Variants in PANK2 observed in about 807,000 individuals in gnomAD.
PANK2 encodes the protein pantothenate kinase 2, mitochondrial.
Under a neutral mutation model 43.1 loss-of-function variants are expected in PANK2, and 36 were observed. The observed-to-expected ratio is 0.84, with a 90% CI of 0.64 to 1.10. The LOEUF (loss-of-function observed/expected upper bound fraction) is 1.10, where lower values mean the gene tolerates loss of function less well. PANK2 is among the 50% of genes least tolerant of loss of function. PANK2 has a pLI of 0.00. For synonymous variants in PANK2, 281 were observed against 238.2 expected, an observed-to-expected ratio of 1.18 and a Z score of -1.66; for missense variants, 576 against 593.3, an observed-to-expected ratio of 0.97 and a Z score of 0.30.
chr20:3,927,436 CA>C lies in PANK2; in HGVS notation c.*4148del, dbSNP rs1183540400. On this transcript the variant is annotated 3_prime_UTR_variant, in exon 7 of 7. Transcript: ENST00000610179. ...ATTAAATATACAAAAATATAGCTTA[CA>C]AAAAACTGCGAATGTTTAAAAATAT... 9 of 152,116 alleles carry C rather than the reference CA, an allele frequency of 5.9e-5. No homozygotes were observed. Among genetic ancestry groups the C allele is most frequent in the Non-Finnish European group, 1.2e-4 (8 of 68,028 alleles). 9.4% of individuals were successfully genotyped at this position (152,116 alleles called of 1,614,324 possible).
intron 1 of PANK2, among the ~76,000 whole-genome samples, chr20:3,891,571 A>G (rs1240596792): frequency 6.6e-6 from 1 of 152,188 alleles, no homozygotes; most frequent in East Asian, 1.9e-4. Flanking sequence ...ACGTTCTGTT[A>G]GTTATTTCTT....
At chr20:3,888,956 TGCG>T, upstream of PANK2, 7 of 630,360 alleles carry the variant, frequency 1.1e-5, no homozygotes, top group East Asian at 2.9e-5. Context: ...GGCCAGACGC[TGCG>T]GGAGCACTGC....
In PANK2 at chr20:3,889,633, C is replaced by G. The variant is rs137852969; in HGVS notation, c.203C>G (p.Ser68Trp). The G allele has an allele frequency of 5.1e-6, 8 of 1,568,744 alleles. No homozygotes were observed. Among genetic ancestry groups the G allele is most frequent in the Middle Eastern group, 3.9e-4 (2 of 5,082 alleles). Residue 68 changes from serine to tryptophan, a missense_variant, in exon 1 of 7, where the codon TCG becomes TGG. This residue lies in a region of PANK2 where 544 missense variants were observed against 528.9 expected (regional missense o/e 1.03). Coordinates refer to ENST00000610179, the MANE Select transcript of PANK2 (RefSeq NM_001386393.1). ...GCGTCGGTGCCCGCGGTCGGGGCCT[C>G]GGCTGAGGGCACGAGGCGGGATCGA...
At chr20:3,912,752 C>T in intron 4 of PANK2, 118 bp downstream of exon 4, 1 of 1,077,616 alleles carries the variant, frequency 9.3e-7, no homozygotes, top group Non-Finnish European at 1.3e-6. Context: ...GAGTTTGAGA[C>T]CAGCCTGGCC....
intron 1 of PANK2, among the ~76,000 whole-genome samples, chr20:3,903,337 G>A (rs1252414640): frequency 6.6e-6 from 1 of 151,428 alleles, no homozygotes; most frequent in African/African-American, 2.4e-5. Flanking sequence ...TAGTAGAAAC[G>A]AGGTTTTGCC....
chr20:3,889,765 G>GC (rs747059003), intron 1 of PANK2, 37 bp downstream of exon 1: 286 of 1,297,964 alleles, frequency 2.2e-4, no homozygotes, highest in Middle Eastern at 4.7e-4. Context: ...GGCCCGCCCT[G>GC]CCCCCCCTTC....
rs1382911635 is a variant in PANK2 at position 3,918,682 on chromosome 20, G to C, written c.1218G>C (p.Gln406His). The C allele has an allele frequency of 6.2e-7, 1 of 1,614,210 alleles. No individual in the cohort carries two copies. The highest frequency in any genetic ancestry group is 8.5e-7 in the Non-Finnish European group (1 of 1,180,036). Residue 406 changes from glutamine to histidine, a missense_variant, in exon 6 of 7, where the codon CAG (glutamine) becomes CAC (histidine). By Grantham distance (24) the Gln-to-His change is conservative. This residue lies in a region of PANK2 where 544 missense variants were observed against 528.9 expected (regional missense o/e 1.03). Transcript: ENST00000610179. The stretch of plus-strand genomic sequence containing the variant: ...TTTGGTGTGCTCAGAACATTAACCA[G>C]GTGGTATTTGTTGGAAATTTCTTGA...
intron 4 of PANK2, among the ~76,000 whole-genome samples, chr20:3,915,297 T>C (rs1316455960): frequency 6.7e-6 from 1 of 149,882 alleles, no homozygotes; most frequent in East Asian, 1.9e-4. Flanking sequence ...GTGTGTGTAT[T>C]TTTTTCTTTT....
Position 3,917,002 on chromosome 20 carries a change from C to T in PANK2, c.1158C>T (p.Thr386=). Residue 386 remains threonine, a synonymous_variant, in exon 5 of 7, where the codon ACC becomes ACT. Transcript: ENST00000610179. ...ACCTGGCCAGAGCGACTTTGATCAC[C>T]ATCACCAACAACATTGGCTCAATAG... 6.2e-7 allele frequency: 1 copy of T among 1,614,002 alleles called. No homozygotes were observed. The highest frequency in any genetic ancestry group is 1.3e-5 in the African/African-American group (1 of 74,980).
chr20:3,895,326 G>A (rs1169634071), intron 1 of PANK2, among the ~76,000 whole-genome samples: 1 of 151,784 alleles, frequency 6.6e-6, no homozygotes, highest in Non-Finnish European at 1.5e-5. Flanking sequence ...TTAGCAGAAT[G>A]TCGTGGCACA....
At chr20:3,896,790 A>G (rs984289192) in intron 1 of PANK2, among the ~76,000 whole-genome samples, 7 of 152,136 alleles carry the variant, frequency 4.6e-5, no homozygotes, top group Admixed American at 4.6e-4. Context: ...CCTCCCCTAT[A>G]CTGTGTACTA....
At chr20:3,910,295 G>GGT (rs1555788166) in intron 2 of PANK2, among the ~76,000 whole-genome samples, 4 of 143,906 alleles carry the variant, frequency 2.8e-5, no homozygotes, top group African/African-American at 7.7e-5. Context: ...AAATGCTGTG[G>GGT]TTTTTTTTTT....
In PANK2 at chr20:3,910,787, G is replaced by A. The variant is rs759223327; in HGVS notation, c.862G>A (p.Ala288Thr). The A allele has an allele frequency of 3.7e-6, 6 of 1,614,138 alleles. No individual in the cohort carries two copies. Among genetic ancestry groups the A allele is most frequent in the Admixed American group, 1.7e-5 (1 of 60,020 alleles). The change falls in exon 3 of 7, where the codon GCA becomes ACA. Residue 288 changes from alanine (A) to threonine (T), a missense_variant. Physicochemically the swap from Ala to Thr is moderately conservative, Grantham distance 58. Coordinates refer to ENST00000610179, the MANE Select transcript of PANK2 (RefSeq NM_001386393.1). ...CATTGGCTCAGGGGTTAGCATCTTAGCAGTATATTCCAAAGATAATTACAA... is the reference window on the plus strand; with the variant it reads ...CATTGGCTCAGGGGTTAGCATCTTAACAGTATATTCCAAAGATAATTACAA...
intron 6 of PANK2, 131 bp downstream of exon 6, chr20:3,918,927 A>G (rs1372549214): frequency 1.3e-6 from 2 of 1,489,422 alleles, no homozygotes; most frequent in African/African-American, 2.8e-5. Flanking sequence ...TTTTTTTGAG[A>G]CGGAGTCTCG....
chr20:3,913,412 C>T lies in PANK2; in HGVS notation c.1082+778C>T, dbSNP rs1229330638. Among the ~76,000 whole-genome samples, 6 of 152,044 alleles carry T rather than the reference C, an allele frequency of 3.9e-5. No individual in the cohort carries two copies. The South Asian group carries it at 8.3e-4, about 21-fold the overall frequency. On this transcript the variant is annotated intron_variant, in intron 4 of 6. Coordinates refer to ENST00000610179, the MANE Select transcript of PANK2 (RefSeq NM_001386393.1). ...AGGCTGGAGTGCAATGGCGTGATCT[C>T]GGCTCACCACAACCCCCACCTCCCA...
chr20:3,897,315 T>A lies in PANK2; in HGVS notation c.298+7587T>A, dbSNP rs1033313413. On this transcript the variant is annotated intron_variant, in intron 1 of 6. Transcript: ENST00000610179. ...ACTGAGTACCTTGGAGGTCTTAATA[T>A]CAGGAAATATGTTAAGGGCTGTGAA... Among the ~76,000 whole-genome samples, 5 of 152,144 alleles carry A rather than the reference T, an allele frequency of 3.3e-5. 1 individual carries two copies. Among genetic ancestry groups the A allele is most frequent in the African/African-American group, 1.2e-4 (5 of 41,422 alleles).
At chr20:3,910,538 C>T (rs775704007) in intron 2 of PANK2, 39 bp from the exon 3 acceptor site, 27 of 1,612,840 alleles carry the variant, frequency 1.7e-5, no homozygotes, top group Middle Eastern at 1.6e-4. Context: ...TTTCTGTTGG[C>T]TTATTAAAAA....
chr20:3,902,029 C>G (rs1056500662), intron 1 of PANK2, among the ~76,000 whole-genome samples: 2 of 151,902 alleles, frequency 1.3e-5, no homozygotes, highest in Non-Finnish European at 2.9e-5. Context: ...GTTGTCTTCC[C>G]CTTCTCTGCT....
chr20:3,889,760 G>GCCTTGCCCCCCCTTCCGGCCCA (rs2090084607), intron 1 of PANK2, 32 bp downstream of exon 1: 10 of 649,822 alleles, frequency 1.5e-5, no homozygotes, highest in Non-Finnish European at 2.4e-5. Flanking sequence ...CTCCCGGCCC[G>GCCTTGCCCCCCCTTCCGGCCCA]CCCTGCCCCC....
Sources: gnomAD v4.1 joint callset for allele counts (sites outside exome capture counted in the v4.1 genomes callset) on GRCh38, gnomAD v4.1.1 for gene constraint, gnomAD v4.1.1 regional missense constraint, MANE v1.5 for transcripts, NCBI Gene and HGNC (gene_info 2026-07-23, HGNC 2026-07-21) for gene names.